Variants in LRRC37A2 observed in about 807,000 individuals in gnomAD.
LRRC37A2 encodes leucine rich repeat containing 37 member A2.
LRRC37A2 carries 9 observed loss-of-function variants against 68.8 expected under a neutral mutation model. The observed-to-expected ratio is 0.13, with a 90% CI of 0.08 to 0.23. The LOEUF (loss-of-function observed/expected upper bound fraction) is 0.23. LRRC37A2 is among the 10% of genes least tolerant of loss of function. LRRC37A2 has a pLI of 1.00. For synonymous variants in LRRC37A2, 63 were observed against 367.6 expected, an observed-to-expected ratio of 0.17 and a Z score of 9.48; for missense variants, 168 against 950.4, an observed-to-expected ratio of 0.18 and a Z score of 10.82.
chr17:46,764,578 TC>T, the LRRC37A2 span: 1 of 152,376 alleles, frequency 6.6e-6, no homozygotes, highest in East Asian at 1.9e-4. Flanking sequence ...CCATGAGACT[TC>T]GCTGAATCCG....
At chr17:46,848,404 ACT>A in the LRRC37A2 span, among the ~76,000 whole-genome samples, 1 of 152,102 alleles carries the variant, frequency 6.6e-6, no homozygotes, top group Non-Finnish European at 1.5e-5. Context: ...CCTGTGCCAG[ACT>A]CTGGAGACAC....
At chr17:46,837,778 A>G in the LRRC37A2 span, among the ~76,000 whole-genome samples, 1 of 152,204 alleles carries the variant, frequency 6.6e-6, no homozygotes, top group African/African-American at 2.4e-5. Context: ...CTGACCTGGT[A>G]TATGCCTTCA....
the LRRC37A2 span, among the ~76,000 whole-genome samples, chr17:46,838,374 C>A: frequency 6.6e-6 from 1 of 151,592 alleles, no homozygotes; most frequent in Non-Finnish European, 1.5e-5. Flanking sequence ...TGCTTGTAAT[C>A]CCAACTTTTT....
chr17:46,730,787 G>A, the LRRC37A2 span, among the ~76,000 whole-genome samples: 1 of 152,052 alleles, frequency 6.6e-6, no homozygotes, highest in African/African-American at 2.4e-5. Context: ...AGTTCAAATG[G>A]CCAACAAGTA....
chr17:46,931,108 A>T, the LRRC37A2 span: 1 of 1,583,866 alleles, frequency 6.3e-7, no homozygotes, highest in Non-Finnish European at 8.7e-7. Context: ...GTAGTAGAAA[A>T]CGAAATCCAA....
chr17:46,819,776 C>T, the LRRC37A2 span, among the ~76,000 whole-genome samples: 1 of 152,230 alleles, frequency 6.6e-6, no homozygotes, highest in South Asian at 2.1e-4. This position sits in a 1 kb window ranked among gnomAD's most constrained non-coding sequence, Gnocchi z 5.3. Flanking sequence ...CCTTCCAGGC[C>T]CCCTTCGGGC....
At chr17:47,006,116 G>T in the LRRC37A2 span, among the ~76,000 whole-genome samples, 2 of 151,974 alleles carry the variant, frequency 1.3e-5, no homozygotes, top group South Asian at 2.1e-4. Context: ...AGGTTGTGGT[G>T]GGCCAAGATT....
chr17:46,802,054 G>A, the LRRC37A2 span, among the ~76,000 whole-genome samples: 1,369 of 152,236 alleles, frequency 9.0e-3, 22 homozygotes, highest in African/African-American at 0.027. Context: ...TTGTGTGCTC[G>A]CCTGTACGCA....
At chr17:47,006,441 G>A in the LRRC37A2 span, among the ~76,000 whole-genome samples, 5 of 151,996 alleles carry the variant, frequency 3.3e-5, no homozygotes, top group Middle Eastern at 3.4e-3. Flanking sequence ...ACAAAACCCC[G>A]TCTCCACTAA....
chr17:46,973,505 C>G, the LRRC37A2 span, among the ~76,000 whole-genome samples: 339 of 152,078 alleles, frequency 2.2e-3, no homozygotes, highest in African/African-American at 7.5e-3. Context: ...CTAGCGTTCC[C>G]CATGGGTTAA....
the LRRC37A2 span, among the ~76,000 whole-genome samples, chr17:46,813,254 C>T: frequency 6.6e-6 from 1 of 151,680 alleles, no homozygotes; most frequent in African/African-American, 2.4e-5. Context: ...GCAAAAGGGA[C>T]CCCTCCATGT....
chr17:46,886,685 G>A, the LRRC37A2 span: 2 of 152,170 alleles, frequency 1.3e-5, no homozygotes, highest in African/African-American at 4.8e-5. Flanking sequence ...TGGTTCGGAG[G>A]GATGCCCAAT....
At chr17:46,766,439 T>C in the LRRC37A2 span, among the ~76,000 whole-genome samples, 25 of 150,824 alleles carry the variant, frequency 1.7e-4, no homozygotes, top group Non-Finnish European at 2.5e-4. Context: ...TGGGCTCCCA[T>C]TGTCACCACC....
chr17:46,781,178 G>GT, the LRRC37A2 span, among the ~76,000 whole-genome samples: 1 of 150,812 alleles, frequency 6.6e-6, no homozygotes, highest in East Asian at 2.0e-4. Context: ...CAGTGAGCCA[G>GT]TTGCGCCACT....
At chr17:46,827,892 C>A in the LRRC37A2 span, among the ~76,000 whole-genome samples, 1 of 151,558 alleles carries the variant, frequency 6.6e-6, no homozygotes, top group African/African-American at 2.4e-5. Context: ...TCACTGCAAG[C>A]TCCGCGCCCC....
chr17:46,872,605 G>C, the LRRC37A2 span: 2 of 1,612,756 alleles, frequency 1.2e-6, no homozygotes, highest in Admixed American at 1.7e-5. Context: ...GAAGCAGTGT[G>C]ACCTGCTGAA....
At chr17:47,009,695 G>A in the LRRC37A2 span, among the ~76,000 whole-genome samples, 3 of 152,156 alleles carry the variant, frequency 2.0e-5, no homozygotes, top group South Asian at 6.2e-4. Flanking sequence ...CTCAGCCTCC[G>A]CCCCCACGCC....
chr17:46,952,123 T>C, the LRRC37A2 span, among the ~76,000 whole-genome samples: 364 of 152,336 alleles, frequency 2.4e-3, 1 homozygote, highest in Non-Finnish European at 3.4e-3. Flanking sequence ...AAAATTCTTA[T>C]AGTGGGTGGA....
At chr17:47,014,276 G>T in the LRRC37A2 span, among the ~76,000 whole-genome samples, 1 of 150,830 alleles carries the variant, frequency 6.6e-6, no homozygotes, top group African/African-American at 2.4e-5. Context: ...TGTAATCCCA[G>T]CTACTTGGGA....
Sources: allele counts gnomAD v4.1 joint callset (sites outside exome capture counted in the v4.1 genomes callset), GRCh38; gene constraint gnomAD v4.1.1; non-coding constraint Gnocchi (gnomAD v3.1); transcripts MANE v1.5; gene names NCBI Gene and HGNC (gene_info 2026-07-23, HGNC 2026-07-21).